The following FGD4 variants were observed in gnomAD, a reference collection of about 807,000 sequenced individuals.
FGD4 encodes the protein FYVE, RhoGEF and PH domain-containing protein 4.
FGD4 carries 42 observed loss-of-function variants against 102.0 expected under a neutral mutation model. The ratio of observed to expected loss-of-function variants is 0.41; its 90% CI spans 0.32 to 0.53. The LOEUF is 0.53. Ranked by LOEUF, FGD4 falls within the 20% of genes least tolerant of loss-of-function variation. The pLI, the probability that FGD4 is intolerant of heterozygous loss-of-function variation, is 0.21. For synonymous variants in FGD4, 380 were observed against 375.7 expected, an observed-to-expected ratio of 1.01 and a Z score of -0.13; for missense variants, 902 against 1,078.2, an observed-to-expected ratio of 0.84 and a Z score of 2.29.
chr12:32,624,460 T>A lies in FGD4; in HGVS notation c.1953+8T>A. On this transcript the variant is annotated splice_region_variant and intron_variant, in intron 12 of 16. Transcript: ENST00000534526. ...AAAGAAGAATGGATCAAGGTAAGCCTCATTTCTGTTTCCTTTTCTTTCTTT... is the reference window on the plus strand; with the variant it reads ...AAAGAAGAATGGATCAAGGTAAGCCACATTTCTGTTTCCTTTTCTTTCTTT... 6.3e-7 allele frequency: 1 copy of A among 1,596,052 alleles called. No homozygotes were observed. Among genetic ancestry groups the A allele is most frequent in the Non-Finnish European group, 8.6e-7 (1 of 1,169,330 alleles).
At chr12:32,621,024 A>G (rs757867094) in intron 11 of FGD4, among the ~76,000 whole-genome samples, 12 of 151,988 alleles carry the variant, frequency 7.9e-5, no homozygotes, top group Non-Finnish European at 1.5e-4. Flanking sequence ...TAGCTACCTC[A>G]CGCATGAACC....
intron 1 of FGD4, among the ~76,000 whole-genome samples, chr12:32,502,681 C>G (rs2136626995): frequency 6.6e-6 from 1 of 152,254 alleles, no homozygotes; most frequent in East Asian, 1.9e-4. Context: ...GTGTTCAATG[C>G]CTGTCCTTAT....
chr12:32,468,396 A>T (rs1472835213), intron 1 of FGD4, among the ~76,000 whole-genome samples: 1 of 152,192 alleles, frequency 6.6e-6, no homozygotes, highest in Non-Finnish European at 1.5e-5. Context: ...GACACAGGAA[A>T]CAGCTCATGT....
At chr12:32,579,393 T>A (rs1021263739) in intron 3 of FGD4, among the ~76,000 whole-genome samples, 1 of 152,102 alleles carries the variant, frequency 6.6e-6, no homozygotes, top group African/African-American at 2.4e-5. Context: ...GTTTTCTCCT[T>A]ATGGTTTGGC....
Position 32,619,761 on chromosome 12 carries a change from C to T in FGD4, c.1813C>T (p.Arg605Ter), listed in dbSNP as rs754185153. 6.8e-6 allele frequency: 11 copies of T among 1,613,958 alleles called. No individual in the cohort carries two copies. Among genetic ancestry groups the T allele is most frequent in the South Asian group, 4.4e-5 (4 of 91,080 alleles). ...CTTGGTAGGCTCTAAATTCACAGTTCGAACCAGGGTTGGCATTGATGGAAT... is the reference window on the plus strand; with the variant it reads ...CTTGGTAGGCTCTAAATTCACAGTTTGAACCAGGGTTGGCATTGATGGAAT... Reference protein sequence around the residue: ...FSLVGSKFTVRTRVGIDGMKI... With the variant: ...FSLVGSKFTV Residue 605 changes from arginine to a stop codon, truncating the protein, a stop_gained, in exon 11 of 17, where the codon CGA becomes TGA. Coordinates refer to ENST00000534526, the MANE Select transcript of FGD4 (RefSeq NM_001370298.3). LOFTEE classifies it high-confidence loss of function.
intron 1 of FGD4, among the ~76,000 whole-genome samples, chr12:32,516,997 A>G (rs1039087489): frequency 4.6e-5 from 7 of 152,230 alleles, no homozygotes; most frequent in African/African-American, 1.7e-4. Context: ...TTTCAGGTCT[A>G]GCATAGTTAG....
chr12:32,640,367 C>G lies in FGD4; in HGVS notation c.2546C>G (p.Thr849Ser). 6.2e-7 allele frequency: 1 copy of G among 1,614,184 alleles called. No homozygotes were observed. Among genetic ancestry groups the G allele is most frequent in the Non-Finnish European group, 8.5e-7 (1 of 1,180,046 alleles). ...GACCTGCCACACAGTTTCAAACTGA[C>G]CCAGTCTAAGTCCGTGCACAGCTTT... ...SADLPHSFKL[T>S]QSKSVHSFAA... The change falls in exon 17 of 17, where the codon ACC (threonine) becomes AGC (serine). Residue 849 changes from threonine to serine, a missense_variant. Physicochemically the swap from Thr to Ser is moderately conservative, Grantham distance 58. This residue lies in a region of FGD4 where 459 missense variants were observed against 619.0 expected (regional missense o/e 0.74). Transcript: ENST00000534526.
At chr12:32,633,511 TAA>T in intron 14 of FGD4, 36 bp from the exon 15 acceptor site, 1 of 1,580,286 alleles carries the variant, frequency 6.3e-7, no homozygotes, top group Non-Finnish European at 8.7e-7. Context: ...TCATATCCTT[TAA>T]ATATGATTAC....
chr12:32,509,768 G>A (rs1283720993), intron 1 of FGD4, among the ~76,000 whole-genome samples: 2 of 152,164 alleles, frequency 1.3e-5, no homozygotes, highest in Non-Finnish European at 2.9e-5. Flanking sequence ...CAAGGAGCTG[G>A]ACCCTGGACA....
chr12:32,492,446 C>T (rs995947394), intron 1 of FGD4, among the ~76,000 whole-genome samples: 5 of 152,136 alleles, frequency 3.3e-5, no homozygotes, highest in Non-Finnish European at 7.4e-5. Context: ...TTCAGAAATG[C>T]ACCAAAATGC....
Position 32,561,070 on chromosome 12 carries a change from G to GTTTTTTTTTTTTTT in FGD4, c.167-3063_167-3062insTTTTTTTTTTTTTT, listed in dbSNP as rs1267043755. On this transcript the variant is annotated intron_variant, in intron 1 of 16. Coordinates refer to ENST00000534526, the MANE Select transcript of FGD4 (RefSeq NM_001370298.3). ...AGCAGAAATGTGGTTTCTTTGTTGG[G>GTTTTTTTTTTTTTT]TTTTGTTTTTTTTTTTTTTTTTTTT... Among the ~76,000 whole-genome samples, 371 of 90,742 alleles carry GTTTTTTTTTTTTTT rather than the reference G, an allele frequency of 4.1e-3. 75 individuals carry two copies. Among genetic ancestry groups the GTTTTTTTTTTTTTT allele is most frequent in the Middle Eastern group, 0.021 (3 of 142 alleles). The allele number at this position is 90,742 out of a possible 152,430, so 59.5% of individuals were successfully genotyped here.
Position 32,551,440 on chromosome 12 carries a change from T to A in FGD4, c.167-12697T>A, listed in dbSNP as rs1252033222. On this transcript the variant is annotated intron_variant, in intron 1 of 16. Transcript: ENST00000534526. ...ACAGCAACCTAGGTGGATACTATTA[T>A]GAATCCTATGAATTTTCATTTATAG... Among the ~76,000 whole-genome samples the A allele has an allele frequency of 6.6e-5, 10 of 152,332 alleles. No homozygotes were observed. The South Asian group carries it at 8.3e-4, about 13-fold the overall frequency.
At chr12:32,431,565 T>G (rs1942046275) in intron 1 of FGD4, among the ~76,000 whole-genome samples, 2 of 152,150 alleles carry the variant, frequency 1.3e-5, no homozygotes, top group African/African-American at 4.8e-5. Flanking sequence ...GTCTGCATGT[T>G]TTTCTTTATC....
At chr12:32,639,085 C>T (rs1951016255) in intron 16 of FGD4, among the ~76,000 whole-genome samples, 2 of 152,020 alleles carry the variant, frequency 1.3e-5, no homozygotes, top group Non-Finnish European at 2.9e-5. Context: ...GGGAAGCAAA[C>T]GGGAGAAACA....
At chr12:32,427,514 T>G (rs1845387066) in intron 1 of FGD4, among the ~76,000 whole-genome samples, 1 of 152,202 alleles carries the variant, frequency 6.6e-6, no homozygotes, top group African/African-American at 2.4e-5. Context: ...ATAAGTGAGA[T>G]GTGGTGCTGA....
chr12:32,558,650 CAATCGTAGGGCATATCTACCACACA>C, intron 1 of FGD4, among the ~76,000 whole-genome samples: 1 of 152,330 alleles, frequency 6.6e-6, no homozygotes, highest in East Asian at 1.9e-4. Flanking sequence ...TCACCCTAAC[CAATCGTAGGGCATATCTACCACACA>C]AAAGTGTGAC....
At chr12:32,621,991 G>A (rs1490825955) in intron 11 of FGD4, among the ~76,000 whole-genome samples, 1 of 151,978 alleles carries the variant, frequency 6.6e-6, no homozygotes, top group African/African-American at 2.4e-5. Flanking sequence ...GGGTTCAAGC[G>A]ATTTTTGTGC....
chr12:32,526,470 T>C (rs896879836), intron 1 of FGD4, among the ~76,000 whole-genome samples: 5 of 152,162 alleles, frequency 3.3e-5, no homozygotes, highest in African/African-American at 1.2e-4. Flanking sequence ...CTAACTAATC[T>C]GATGGGGATG....
intron 1 of FGD4, among the ~76,000 whole-genome samples, chr12:32,457,471 CA>C (rs1391421216): frequency 1.3e-5 from 2 of 152,152 alleles, no homozygotes; most frequent in East Asian, 3.8e-4. Context: ...ATGCATGCCA[CA>C]AGTATATGTC....
Sources: allele counts gnomAD v4.1 joint callset (sites outside exome capture counted in the v4.1 genomes callset), GRCh38; gene constraint gnomAD v4.1.1; regional missense constraint gnomAD v4.1.1; transcripts MANE v1.5; gene names NCBI Gene and HGNC (gene_info 2026-07-23, HGNC 2026-07-21).